CUL7: variants seen among roughly 807,000 people sequenced by gnomAD.
CUL7 encodes the protein cullin-7.
A neutral mutation model predicts 177.7 loss-of-function variants in CUL7; 96 were observed. That is an observed-to-expected ratio of 0.54 (90% CI 0.46 to 0.64). The LOEUF is 0.64. CUL7 is among the 30% of genes least tolerant of loss of function. CUL7 has a pLI of 0.00. For missense variants in CUL7, 1,893 were observed against 2,187.9 expected (o/e 0.87, Z 2.69); for synonymous variants, 824 against 890.2 (o/e 0.93, Z 1.32).
Position 43,038,832 on chromosome 6 carries a change from G to C in CUL7, c.4440+10C>G, listed in dbSNP as rs747798028. On this transcript the variant is annotated intron_variant, in intron 23 of 25. Transcript: ENST00000265348. ...GGAGACAGGAGAGAGGTGCAGCGGG[G>C]CTGGGCCACCTTCAGGTCGTTGAGA... The C allele has an allele frequency of 1.2e-6, 2 of 1,614,202 alleles. No individual in the cohort carries two copies. Among genetic ancestry groups the C allele is most frequent in the East Asian group, 2.2e-5 (1 of 44,890 alleles).
At position 43,038,621 on chromosome 6, in the gene CUL7, G is replaced by A. The variant is rs570386855; in HGVS notation, c.4512C>T (p.Pro1504=). The change falls in exon 24 of 26, where the codon CCC becomes CCT. Residue 1504 remains proline, a synonymous_variant. Transcript: ENST00000265348. ...CCAGGGGGCCTCTTGAAGAGGTGAG[G>A]GGCCCAATCGCCTGATTGAGCATGT... ...SADMLNQAIG[P]LTSSRGPLDL... 15 of 1,613,798 alleles carry A rather than the reference G, an allele frequency of 9.3e-6. No homozygotes were observed. The South Asian group carries it at 1.6e-4, about 18-fold the overall frequency.
rs1283953596 is a variant in CUL7 at position 43,044,721 on chromosome 6, T to C, written c.3172+31A>G. 1.9e-6 allele frequency: 3 copies of C among 1,593,026 alleles called. No individual in the cohort carries two copies. In the African/African-American group the frequency reaches 4.0e-5, roughly 21 times the overall value. ...TAATTAGTGGAACCAAGCCCTGAGA[T>C]AGTAATGGGTCCAGATGTCAGGATG... On this transcript the variant is annotated intron_variant, in intron 16 of 25. Transcript: ENST00000265348.
Position 43,050,446 on chromosome 6 carries a change from A to G in CUL7, c.1234-48T>C, listed in dbSNP as rs769265056. 1 of 1,611,260 alleles carries G rather than the reference A, an allele frequency of 6.2e-7. No individual in the cohort carries two copies. Among genetic ancestry groups the G allele is most frequent in the Non-Finnish European group, 8.5e-7 (1 of 1,178,884 alleles). ...GGGAAGGGGAAGGGAGGACTCACAAATGACTGGCTGTGGCCCAGTACTGAG... is the reference window on the plus strand; with the variant it reads ...GGGAAGGGGAAGGGAGGACTCACAAGTGACTGGCTGTGGCCCAGTACTGAG... On this transcript the variant is annotated intron_variant, in intron 4 of 25. Transcript: ENST00000265348. This position sits in a 1 kb window ranked among gnomAD's most constrained non-coding sequence, Gnocchi z 4.1.
intron 10 of CUL7, 51 bp downstream of exon 10, chr6:43,046,829 G>C (rs367754077): frequency 7.7e-7 from 1 of 1,299,000 alleles, no homozygotes; most frequent in East Asian, 2.3e-5. Flanking sequence ...CACTGCTTGG[G>C]TTTCATATTC....
rs770624461 is a variant in CUL7 at position 43,043,415 on chromosome 6, C to T, written c.3355+33G>A. The stretch of plus-strand genomic sequence containing the variant: ...ATGGGGCCCAGGAAAACGCTCCTGA[C>T]TAGAGCTCCCCACCTGAATCTCCAC... On this transcript the variant is annotated intron_variant, in intron 17 of 25. Transcript: ENST00000265348. The surrounding 1 kb of genome is among the most constrained non-coding windows in gnomAD (Gnocchi z 4.2). 3 of 1,610,172 alleles carry T rather than the reference C, an allele frequency of 1.9e-6. No individual in the cohort carries two copies. In the Admixed American group the frequency reaches 5.0e-5, roughly 27 times the overall value.
chr6:43,051,775 A>G lies in CUL7; in HGVS notation c.581-12T>C, dbSNP rs1162928327. 1 of 1,613,994 alleles carries G rather than the reference A, an allele frequency of 6.2e-7. No homozygotes were observed. The highest frequency in any genetic ancestry group is 1.1e-5 in the South Asian group (1 of 91,046). On this transcript the variant is annotated splice_polypyrimidine_tract_variant and intron_variant, in intron 2 of 25. Coordinates refer to ENST00000265348, the MANE Select transcript of CUL7 (RefSeq NM_014780.5). The surrounding 1 kb of genome is among the most constrained non-coding windows in gnomAD (Gnocchi z 5.0). ...CTGAGTCCGGGTCCCTGTAACCCAC[A>G]CCCCAGTTGGTAACTTCTCCCTAAT...
chr6:43,038,777 G>GT, intron 23 of CUL7, 65 bp downstream of exon 23: 1 of 1,613,496 alleles, frequency 6.2e-7, no homozygotes, highest in Non-Finnish European at 8.5e-7. Context: ...GGGAGTCAAG[G>GT]TTTTGGGAAG....
At position 43,043,028 on chromosome 6, in the gene CUL7, C is replaced by T. The variant is rs774301312; in HGVS notation, c.3463-44G>A. 3.7e-6 allele frequency: 6 copies of T among 1,613,154 alleles called. No individual in the cohort carries two copies. Among genetic ancestry groups the T allele is most frequent in the Non-Finnish European group, 5.1e-6 (6 of 1,179,242 alleles). ...AGCATGAAGACACAACCCAACATGC[C>T]ACCATTATGGTGTCCCCTCTCTCCC... On this transcript the variant is annotated intron_variant, in intron 18 of 25. Coordinates refer to ENST00000265348, the MANE Select transcript of CUL7 (RefSeq NM_014780.5). This position sits in a 1 kb window ranked among gnomAD's most constrained non-coding sequence, Gnocchi z 4.2.
Position 43,051,078 on chromosome 6 carries a change from C to A in CUL7, c.1123G>T (p.Asp375Tyr), listed in dbSNP as rs537408884. ...ACTCGCATCCCCGGCTGCAGTGTGT[C>A]CCGCACATACAAAGCATAGGTATTG... ...SGNTYALYVR[D>Y]TLQPGMRVRM... The change falls in exon 4 of 26, where the codon GAC becomes TAC. Residue 375 changes from aspartate (D) to tyrosine (Y), a missense_variant. Physicochemically the swap from Asp to Tyr is radical, Grantham distance 160. Transcript: ENST00000265348. This position sits in a 1 kb window ranked among gnomAD's most constrained non-coding sequence, Gnocchi z 5.0. The A allele has an allele frequency of 1.0e-4, 166 of 1,614,076 alleles. 2 individuals carry two copies. The Admixed American group carries it at 2.7e-3, about 26-fold the overall frequency.
Position 43,046,010 on chromosome 6 carries a change from G to T in CUL7, c.2742C>A (p.Ser914Arg), listed in dbSNP as rs756868084. Residue 914 changes from serine (S) to arginine (R), a missense_variant, in exon 13 of 26, where the codon AGC becomes AGA. Around this residue, in one of 5 missense-constraint regions of CUL7, gnomAD observed 973 missense variants for 1,140.9 expected, o/e 0.85. Transcript: ENST00000265348. ...RVVVCGGDST[S>R]SLHTELNSVN... ...CCGAGTTGAGTTCCGTGTGAAGAGA[G>T]CTAGTGCTATCACCCCCGCACACCA... 2 of 1,613,980 alleles carry T rather than the reference G, an allele frequency of 1.2e-6. No individual in the cohort carries two copies. The highest frequency in any genetic ancestry group is 1.7e-6 in the Non-Finnish European group (2 of 1,179,856).
intron 7 of CUL7, 131 bp downstream of exon 7, chr6:43,049,276 G>A (rs1251006918): frequency 6.0e-6 from 7 of 1,167,006 alleles, no homozygotes; most frequent in Non-Finnish European, 8.9e-6. Flanking sequence ...TCCGTTTGTT[G>A]CTTCTCTCTA....
In CUL7 at chr6:43,052,453, G is replaced by T. The variant is rs758213995; in HGVS notation, c.336C>A (p.Thr112=). The change falls in exon 2 of 26, where the codon ACC becomes ACA. Residue 112 remains threonine, a synonymous_variant. Transcript: ENST00000265348. The surrounding 1 kb of genome is among the most constrained non-coding windows in gnomAD (Gnocchi z 4.5). ...LDKSVLEEME[T]DVKSLIQRAL... Reference sequence around the variant, plus strand: ...CTCTCTGAATGAGGGACTTCACGTCGGTTTCCATCTCCTCCAGCACAGATT... The same window carrying T: ...CTCTCTGAATGAGGGACTTCACGTCTGTTTCCATCTCCTCCAGCACAGATT... 2.5e-6 allele frequency: 4 copies of T among 1,613,928 alleles called. No individual in the cohort carries two copies. Among genetic ancestry groups the T allele is most frequent in the Non-Finnish European group, 3.4e-6 (4 of 1,179,926 alleles).
rs138043979 is a variant in CUL7, at chr6:43,046,070, A to G, written c.2682T>C (p.Ala894=). The change falls in exon 13 of 26, where the codon GCT becomes GCC. Residue 894 remains alanine (A), a synonymous_variant. Coordinates refer to ENST00000265348, the MANE Select transcript of CUL7 (RefSeq NM_014780.5). ...ILIRQLTLLV[A]SEDSSYMPAR... Reference sequence around the variant, plus strand: ...CCGGCATGTAACTCGAGTCCTCACTAGCCACAAGCAGAGTCAGTTGCCTGG... The same window carrying G: ...CCGGCATGTAACTCGAGTCCTCACTGGCCACAAGCAGAGTCAGTTGCCTGG... The G allele has an allele frequency of 6.1e-5, 99 of 1,614,176 alleles. No individual in the cohort carries two copies. The African/African-American group carries it at 9.9e-4, about 16-fold the overall frequency.
chr6:43,053,680 G>T lies in CUL7; in HGVS notation c.-67C>A, dbSNP rs1764659720. On this transcript the variant is annotated 5_prime_UTR_variant, in exon 1 of 26. Transcript: ENST00000265348. The surrounding 1 kb of genome is among the most constrained non-coding windows in gnomAD (Gnocchi z 4.1). Reference sequence around the variant, plus strand: ...TGTCCTTCACAGAGCAAGGGACGCGGCACAGACGCTGGCGGCGACTTGGGC... The same window carrying T: ...TGTCCTTCACAGAGCAAGGGACGCGTCACAGACGCTGGCGGCGACTTGGGC... 1.4e-6 allele frequency: 2 copies of T among 1,413,316 alleles called. No individual in the cohort carries two copies. Among genetic ancestry groups the T allele is most frequent in the South Asian group, 3.0e-5 (2 of 66,262 alleles). 87.5% of individuals were successfully genotyped at this position (1,413,316 alleles called of 1,614,324 possible).
In CUL7 at chr6:43,040,677, G is replaced by A. The variant is rs147056081; in HGVS notation, c.3876C>T (p.Ile1292=). The A allele has an allele frequency of 5.3e-4, 853 of 1,614,192 alleles. 2 individuals are homozygous for A. Among genetic ancestry groups the A allele is most frequent in the East Asian group, 3.2e-3 (143 of 44,880 alleles). ...SWLEGAVLEQ[I]GPCFPNRLPQ... Reference sequence around the variant, plus strand: ...GGAGGCGGTTGGGGAAGCAGGGACCGATCTGCTCCAGCACGGCCCCCTCCA... The same window carrying A: ...GGAGGCGGTTGGGGAAGCAGGGACCAATCTGCTCCAGCACGGCCCCCTCCA... Residue 1292 remains isoleucine (I), a synonymous_variant, in exon 21 of 26, where the codon ATC becomes ATT. Coordinates refer to ENST00000265348, the MANE Select transcript of CUL7 (RefSeq NM_014780.5). This position sits in a 1 kb window ranked among gnomAD's most constrained non-coding sequence, Gnocchi z 4.2.
chr6:43,045,118 C>A lies in CUL7; in HGVS notation c.3038+109G>T. The stretch of plus-strand genomic sequence containing the variant: ...TCAGAAAACTCCAGCCCCCTCCCCA[C>A]GCATATTAAACCTCCATCTCACAGC... On this transcript the variant is annotated intron_variant, in intron 15 of 25. Coordinates refer to ENST00000265348, the MANE Select transcript of CUL7 (RefSeq NM_014780.5). The surrounding 1 kb of genome is among the most constrained non-coding windows in gnomAD (Gnocchi z 4.8). 1 of 1,430,032 alleles carries A rather than the reference C, an allele frequency of 7.0e-7. No homozygotes were observed. The highest frequency in any genetic ancestry group is 2.5e-5 in the East Asian group (1 of 40,346). The allele number at this position is 1,430,032 out of a possible 1,614,324, so 88.6% of individuals were successfully genotyped here. A position where few individuals can be genotyped will look rare whatever the true frequency, so the allele number is the denominator to read the frequency against.
chr6:43,038,041 A>G, intron 25 of CUL7, 30 bp from the exon 26 acceptor site: 1 of 1,574,614 alleles, frequency 6.4e-7, no homozygotes, highest in Non-Finnish European at 8.6e-7. Flanking sequence ...GAGAAGCGGT[A>G]GTTTAGAGGC....
At chr6:43,046,839 C>CT (rs1763957888) in intron 10 of CUL7, 41 bp downstream of exon 10, 3 of 1,343,720 alleles carry the variant, frequency 2.2e-6, no homozygotes, top group Non-Finnish European at 3.2e-6. Flanking sequence ...GTTTCATATT[C>CT]TGATGCCACT....
At chr6:43,041,685 G>GGGGAA (rs934142606) in intron 19 of CUL7, among the ~76,000 whole-genome samples, 2 of 150,432 alleles carry the variant, frequency 1.3e-5, no homozygotes, top group African/African-American at 2.4e-5. Flanking sequence ...GGGAAAGGAA[G>GGGGAA]GGGAAGGGAA....
Sources: gnomAD v4.1 joint callset for allele counts (sites outside exome capture counted in the v4.1 genomes callset) on GRCh38, gnomAD v4.1.1 for gene constraint, gnomAD v4.1.1 regional missense constraint, Gnocchi (gnomAD v3.1) non-coding constraint, MANE v1.5 for transcripts, NCBI Gene and HGNC (gene_info 2026-07-23, HGNC 2026-07-21) for gene names.